The following FARS2 variants were observed in gnomAD, a reference collection of about 807,000 sequenced individuals.
FARS2 encodes phenylalanine--tRNA ligase, mitochondrial.
FARS2 carries 40 observed loss-of-function variants against 46.4 expected under a neutral mutation model. The ratio of observed to expected loss-of-function variants is 0.86; its 90% CI spans 0.67 to 1.12. The LOEUF (loss-of-function observed/expected upper bound fraction) is 1.12, where lower values mean the gene tolerates loss of function less well. Among genes scored for constraint, FARS2 ranks in the 50% most tolerant of loss-of-function variants. The pLI is 0.00. For missense variants in FARS2, 513 were observed against 567.9 expected, an observed-to-expected ratio of 0.90 and a Z score of 0.98; for synonymous variants, 234 against 214.9, an observed-to-expected ratio of 1.09 and a Z score of -0.78.
intron 4 of FARS2, among the ~76,000 whole-genome samples, chr6:5,437,226 G>A (rs764522049): frequency 1.2e-4 from 18 of 152,146 alleles, no homozygotes; most frequent in Non-Finnish European, 2.4e-4. Context: ...TCCATGTTGT[G>A]TGTACTGTGT....
At chr6:5,535,710 C>T (rs1770150826) in intron 4 of FARS2, among the ~76,000 whole-genome samples, 1 of 152,034 alleles carries the variant, frequency 6.6e-6, no homozygotes, top group Admixed American at 6.6e-5. Flanking sequence ...CCCTTGTATT[C>T]CTGGTTTATT....
rs1257053670 is a variant in FARS2 at position 5,343,174 on chromosome 6, T to C, written c.-21-25376T>C. Among the ~76,000 whole-genome samples, 1 of 152,138 alleles carries C rather than the reference T, an allele frequency of 6.6e-6. No homozygotes were observed. Among genetic ancestry groups the C allele is most frequent in the Non-Finnish European group, 1.5e-5 (1 of 68,032 alleles). ...GGTACTACTGCTGACAAAACTGTTGTTTATTACTGTAGACAAAACTGTACA... is the reference window on the plus strand; with the variant it reads ...GGTACTACTGCTGACAAAACTGTTGCTTATTACTGTAGACAAAACTGTACA... On this transcript the variant is annotated intron_variant, in intron 1 of 6. Transcript: ENST00000274680. This position sits in a 1 kb window ranked among gnomAD's most constrained non-coding sequence, Gnocchi z 4.5.
At chr6:5,604,799 C>T (rs1036440069) in intron 5 of FARS2, among the ~76,000 whole-genome samples, 9 of 152,182 alleles carry the variant, frequency 5.9e-5, no homozygotes, top group East Asian at 3.9e-4. Flanking sequence ...TCCCTTAAGT[C>T]GGTCGTCTCA....
chr6:5,572,631 A>G (rs1772722943), intron 5 of FARS2, among the ~76,000 whole-genome samples: 1 of 152,100 alleles, frequency 6.6e-6, no homozygotes, highest in African/African-American at 2.4e-5. Flanking sequence ...CGTAACAAGT[A>G]GCCTCATTTT....
intron 6 of FARS2, among the ~76,000 whole-genome samples, chr6:5,638,290 C>T (rs567751848): frequency 2.0e-5 from 3 of 152,346 alleles, no homozygotes; most frequent in East Asian, 1.9e-4. Context: ...CCGGGCCGGG[C>T]GCAGTGGCTC....
chr6:5,376,856 C>T (rs778946180), intron 2 of FARS2, among the ~76,000 whole-genome samples: 1 of 151,748 alleles, frequency 6.6e-6, no homozygotes, highest in African/African-American at 2.4e-5. Context: ...TTTAATCCAG[C>T]TAGATAAACA....
intron 6 of FARS2, among the ~76,000 whole-genome samples, chr6:5,743,679 G>A (rs1761477113): frequency 6.6e-6 from 1 of 152,186 alleles, no homozygotes; most frequent in Admixed American, 6.5e-5. Flanking sequence ...CTTCATAAGG[G>A]AGCACATTGT....
rs780467807 is a variant in FARS2, at chr6:5,765,011, AG to A, written c.1218-6277del. Among the ~76,000 whole-genome samples the A allele has an allele frequency of 2.6e-5, 4 of 152,188 alleles. No homozygotes were observed. Among genetic ancestry groups the A allele is most frequent in the South Asian group, 4.1e-4 (2 of 4,832 alleles). On this transcript the variant is annotated intron_variant, in intron 6 of 6. Coordinates refer to ENST00000274680, the MANE Select transcript of FARS2 (RefSeq NM_006567.5). The surrounding 1 kb of genome is among the most constrained non-coding windows in gnomAD (Gnocchi z 4.0). ...CGGGAAAAGAAAATAATCACTGGGG[AG>A]GGACCCCTTTTAAACATTTATAGTT...
At chr6:5,544,276 T>G (rs2150497934) in intron 4 of FARS2, among the ~76,000 whole-genome samples, 1 of 152,330 alleles carries the variant, frequency 6.6e-6, no homozygotes, top group South Asian at 2.1e-4. Flanking sequence ...AGTCACAGGC[T>G]TAAATTCCCA....
At chr6:5,571,070 A>G (rs528058735) in intron 5 of FARS2, among the ~76,000 whole-genome samples, 4 of 152,326 alleles carry the variant, frequency 2.6e-5, no homozygotes, top group African/African-American at 9.6e-5. Context: ...ACGGTTATTC[A>G]TTTATTATAC....
intron 3 of FARS2, among the ~76,000 whole-genome samples, chr6:5,426,785 C>G (rs1314096948): frequency 3.3e-5 from 5 of 152,112 alleles, no homozygotes; most frequent in African/African-American, 9.7e-5. Flanking sequence ...GCCATCACAC[C>G]CGACTAATTT....
At chr6:5,362,368 C>G (rs975981207) in intron 1 of FARS2, among the ~76,000 whole-genome samples, 3 of 152,068 alleles carry the variant, frequency 2.0e-5, no homozygotes, top group African/African-American at 7.2e-5. Flanking sequence ...AGAGAGAGAG[C>G]GAGAGTTCTC....
Position 5,732,014 on chromosome 6 carries a change from G to C in FARS2, c.1218-39277G>C, listed in dbSNP as rs564992858. 2.0e-5 allele frequency among the ~76,000 whole-genome samples: 3 copies of C among 152,276 alleles called. No homozygotes were observed. The East Asian group carries it at 5.8e-4, about 29-fold the overall frequency. The stretch of plus-strand genomic sequence containing the variant: ...TCCCTATCTCCTGTGCTCCTCCTCA[G>C]GGTCCTGCTGACCCCGTCACTGAGA... On this transcript the variant is annotated intron_variant, in intron 6 of 6. Coordinates refer to ENST00000274680, the MANE Select transcript of FARS2 (RefSeq NM_006567.5).
chr6:5,410,896 A>T (rs1761907930), intron 3 of FARS2, among the ~76,000 whole-genome samples: 1 of 152,216 alleles, frequency 6.6e-6, no homozygotes, highest in Non-Finnish European at 1.5e-5. Flanking sequence ...TGGGTGTTAC[A>T]ATCTCCGTTT....
At chr6:5,556,994 A>T (rs1188066048) in intron 5 of FARS2, among the ~76,000 whole-genome samples, 1 of 152,164 alleles carries the variant, frequency 6.6e-6, no homozygotes, top group Non-Finnish European at 1.5e-5. Context: ...GCACAGAATC[A>T]CCTAAACTGT....
chr6:5,435,346 A>G (rs1562039032), intron 4 of FARS2, among the ~76,000 whole-genome samples: 1 of 152,262 alleles, frequency 6.6e-6, no homozygotes, highest in Non-Finnish European at 1.5e-5. Context: ...GATAGAGTGT[A>G]TTTAATTAAA....
At chr6:5,521,959 T>A (rs1167438576) in intron 4 of FARS2, among the ~76,000 whole-genome samples, 1 of 152,210 alleles carries the variant, frequency 6.6e-6, no homozygotes, top group Non-Finnish European at 1.5e-5. Flanking sequence ...TAAAATGTCA[T>A]TGACCTTAAG....
intron 6 of FARS2, among the ~76,000 whole-genome samples, chr6:5,651,328 G>A (rs1033255411): frequency 3.3e-5 from 5 of 152,184 alleles, no homozygotes; most frequent in African/African-American, 1.2e-4. Context: ...CAGGACTGTC[G>A]ATTGAAAATG....
intron 5 of FARS2, among the ~76,000 whole-genome samples, chr6:5,611,067 G>A (rs977552898): frequency 6.6e-6 from 1 of 152,184 alleles, no homozygotes; most frequent in African/African-American, 2.4e-5. Flanking sequence ...AGATTCCAGA[G>A]GTGGAGACAG....
Sources: allele counts gnomAD v4.1 joint callset (sites outside exome capture counted in the v4.1 genomes callset), GRCh38; gene constraint gnomAD v4.1.1; non-coding constraint Gnocchi (gnomAD v3.1); transcripts MANE v1.5; gene names NCBI Gene and HGNC (gene_info 2026-07-23, HGNC 2026-07-21).